KAT7: variants seen among roughly 807,000 people sequenced by gnomAD.
KAT7 encodes the protein histone acetyltransferase KAT7.
A neutral mutation model predicts 82.1 loss-of-function variants in KAT7; 10 were observed. The observed-to-expected ratio is 0.12, with a 90% CI of 0.08 to 0.21. The LOEUF (loss-of-function observed/expected upper bound fraction) is 0.21. KAT7 is among the 10% of genes least tolerant of loss of function. The pLI is 1.00. For synonymous variants in KAT7, 250 were observed against 262.5 expected, an observed-to-expected ratio of 0.95 and a Z score of 0.46; for missense variants, 378 against 760.9, an observed-to-expected ratio of 0.50 and a Z score of 5.92.
At chr17:49,816,458 G>A (rs2074236086) in intron 8 of KAT7, among the ~76,000 whole-genome samples, 1 of 152,110 alleles carries the variant, frequency 6.6e-6, no homozygotes, top group Non-Finnish European at 1.5e-5. Context: ...TGCTGTCCTA[G>A]GCAGAATTTT....
rs569689153 is a variant in KAT7, at chr17:49,826,630, G to A, written c.1628-63G>A. 7.5e-6 allele frequency: 8 copies of A among 1,061,856 alleles called. No homozygotes were observed. In the East Asian group the frequency reaches 1.9e-4, roughly 25 times the overall value. 65.8% of individuals were successfully genotyped at this position (1,061,856 alleles called of 1,614,324 possible). Reference sequence around the variant, plus strand: ...TTCCTTTAAGGGAAAGTAGACCTTGGTTGGGGGCAAAGGGGTGGGAACCTG... The same window carrying A: ...TTCCTTTAAGGGAAAGTAGACCTTGATTGGGGGCAAAGGGGTGGGAACCTG... On this transcript the variant is annotated intron_variant, in intron 13 of 14. Coordinates refer to ENST00000259021, the MANE Select transcript of KAT7 (RefSeq NM_007067.5).
Position 49,825,926 on chromosome 17 carries a change from G to C in KAT7, c.1481-74G>C, listed in dbSNP as rs183983753. On this transcript the variant is annotated intron_variant, in intron 12 of 14. Transcript: ENST00000259021. ...CTGTGCTTCTTAAACCTTCTTCCAT[G>C]TTGGCACACAGTTTTTTGCTATTAG... 3.7e-3 allele frequency: 5,420 copies of C among 1,480,590 alleles called. 19 individuals are homozygous for C. Among genetic ancestry groups the C allele is most frequent in the Non-Finnish European group, 4.6e-3 (4,969 of 1,088,888 alleles). 91.7% of individuals were successfully genotyped at this position (1,480,590 alleles called of 1,614,324 possible). A position where few individuals can be genotyped will look rare whatever the true frequency, so the allele number is the denominator to read the frequency against.
At chr17:49,790,192 GTTTT>G (rs1322385936) in intron 1 of KAT7, among the ~76,000 whole-genome samples, 1 of 151,914 alleles carries the variant, frequency 6.6e-6, no homozygotes, top group African/African-American at 2.4e-5. Context: ...GTATGTATGT[GTTTT>G]TTTGTTTGTT....
In KAT7 at chr17:49,815,904, A is replaced by G. The variant is rs927260683; in HGVS notation, c.954A>G (p.Ser318=). ...DLFRRAQARA[S]EDLEKLRLQG... ...TCCGAAGAGCACAAGCCCGGGCTTC[A>G]GAGGATTTGGTGAGTATTAAAACCT... Residue 318 remains serine, a synonymous_variant, in exon 8 of 15, where the codon TCA becomes TCG. Transcript: ENST00000259021. 9 of 1,610,056 alleles carry G rather than the reference A, an allele frequency of 5.6e-6. No homozygotes were observed. The Admixed American group carries it at 1.5e-4, about 27-fold the overall frequency.
intron 6 of KAT7, among the ~76,000 whole-genome samples, chr17:49,810,277 A>G (rs1460155114): frequency 2.0e-5 from 3 of 152,142 alleles, no homozygotes; most frequent in Non-Finnish European, 4.4e-5. Flanking sequence ...TATTTTTTAG[A>G]CAGAGTTTCA....
intron 8 of KAT7, among the ~76,000 whole-genome samples, chr17:49,816,278 A>G (rs1232673024): frequency 6.6e-6 from 1 of 152,226 alleles, no homozygotes; most frequent in Non-Finnish European, 1.5e-5. Context: ...TAATCCCAAC[A>G]GGAACTCCCC....
At position 49,809,145 on chromosome 17, in the gene KAT7, G is replaced by A. The variant is rs2074129860; in HGVS notation, c.690G>A (p.Gln230=). ...TGAGAGCACAGAGCCGGGATAAGCA[G>A]ATAGAAGAAAGGATGCTGTCTCACA... is the stretch of plus-strand genomic sequence containing the variant. ...CKVRAQSRDK[Q]IEERMLSHRQ... is the part of the protein sequence containing the mutation. Residue 230 remains glutamine, a synonymous_variant, in exon 6 of 15, where the codon CAG becomes CAA. Transcript: ENST00000259021. The A allele has an allele frequency of 6.2e-7, 1 of 1,614,066 alleles. No individual in the cohort carries two copies. Among genetic ancestry groups the A allele is most frequent in the Non-Finnish European group, 8.5e-7 (1 of 1,180,014 alleles).
intron 4 of KAT7, among the ~76,000 whole-genome samples, chr17:49,800,908 T>A (rs1046069236): frequency 2.0e-5 from 3 of 152,182 alleles, no homozygotes; most frequent in Non-Finnish European, 4.4e-5. Flanking sequence ...TGCTGTGATA[T>A]GGTCACATTT....
chr17:49,805,746 A>T (rs546643210), intron 5 of KAT7, among the ~76,000 whole-genome samples: 2 of 152,354 alleles, frequency 1.3e-5, no homozygotes, highest in Admixed American at 6.5e-5. Context: ...GAAGACTGCT[A>T]GGGACTTATT....
chr17:49,806,418 A>G (rs1373667343), intron 5 of KAT7, among the ~76,000 whole-genome samples: 1 of 152,192 alleles, frequency 6.6e-6, no homozygotes, highest in African/African-American at 2.4e-5. Flanking sequence ...ATTTTTCTTC[A>G]TTCCAAATCA....
intron 9 of KAT7, among the ~76,000 whole-genome samples, chr17:49,818,547 G>T (rs8076147): frequency 0.023 from 3,488 of 152,178 alleles, 148 homozygotes; most frequent in African/African-American, 0.08. Context: ...TAATAAAACA[G>T]GTATAAGGAG....
intron 8 of KAT7, 46 bp from the exon 9 acceptor site, chr17:49,817,774 A>G (rs747890964): frequency 1.3e-6 from 2 of 1,519,378 alleles, no homozygotes; most frequent in African/African-American, 1.4e-5. Flanking sequence ...AAAAGCAAAG[A>G]TAATAAATTC....
At chr17:49,821,119 T>A (rs2279954) in intron 9 of KAT7, among the ~76,000 whole-genome samples, 1,640 of 152,324 alleles carry the variant, frequency 0.011, 26 homozygotes, top group East Asian at 0.043. Flanking sequence ...CCAGAATACT[T>A]GTTCCAGATT....
Position 49,828,798 on chromosome 17 carries a change from A to G in KAT7, c.*1296A>G, listed in dbSNP as rs1360479914. The G allele has an allele frequency of 3.3e-5, 5 of 153,296 alleles. No individual in the cohort carries two copies. The highest frequency in any genetic ancestry group is 1.2e-4 in the African/African-American group (5 of 41,428). The allele number at this position is 153,296 out of a possible 1,614,324, so 9.5% of individuals were successfully genotyped here. A position where few individuals can be genotyped will look rare whatever the true frequency, so the allele number is the denominator to read the frequency against. On this transcript the variant is annotated 3_prime_UTR_variant, in exon 15 of 15. Transcript: ENST00000259021. ...CACCCTTCCCAACTTGGTCTCCTCC[A>G]ACATGCTGTCTTCATGTGGAGCCCT...
intron 12 of KAT7, chr17:49,824,524 T>TA (rs1420869323): frequency 3.3e-5 from 5 of 152,200 alleles, no homozygotes; most frequent in African/African-American, 1.2e-4. Context: ...CACGCCCAGC[T>TA]AATTTTGTAT....
intron 4 of KAT7, 144 bp from the exon 5 acceptor site, chr17:49,805,219 C>A: frequency 1.7e-6 from 1 of 599,082 alleles, no homozygotes; most frequent in Non-Finnish European, 3.0e-6. Flanking sequence ...ATAGCCCTAC[C>A]AGCCTTATGT....
intron 9 of KAT7, 146 bp from the exon 10 acceptor site, chr17:49,821,191 A>G (rs1436878543): frequency 3.4e-6 from 2 of 590,486 alleles, no homozygotes; most frequent in Non-Finnish European, 6.0e-6. Flanking sequence ...ATGGAAATAA[A>G]ATCTCTGTTT....
At chr17:49,796,707 A>G (rs2073960786) in intron 2 of KAT7, 43 bp from the exon 3 acceptor site, 1 of 1,484,352 alleles carries the variant, frequency 6.7e-7, no homozygotes, top group South Asian at 1.3e-5. Context: ...AGTAAAACAG[A>G]TTTCCATCTT....
At position 49,827,739 on chromosome 17, in the gene KAT7, G is replaced by C. The variant is rs1282141249; in HGVS notation, c.*237G>C. On this transcript the variant is annotated 3_prime_UTR_variant, in exon 15 of 15. Coordinates refer to ENST00000259021, the MANE Select transcript of KAT7 (RefSeq NM_007067.5). ...GATGGGATCTGTATTAGACTTGAGT[G>C]CAGGTCTCTCAGCACTGACCCAAGG... The C allele has an allele frequency of 5.5e-6, 3 of 548,682 alleles. No individual in the cohort carries two copies. Among genetic ancestry groups the C allele is most frequent in the African/African-American group, 1.9e-5 (1 of 53,100 alleles). The allele number at this position is 548,682 out of a possible 1,614,324, so 34.0% of individuals were successfully genotyped here.
Sources: allele counts gnomAD v4.1 joint callset (sites outside exome capture counted in the v4.1 genomes callset), GRCh38; gene constraint gnomAD v4.1.1; transcripts MANE v1.5; gene names NCBI Gene and HGNC (gene_info 2026-07-23, HGNC 2026-07-21).